Variants in TMEM150B observed in about 807,000 individuals in gnomAD.
TMEM150B encodes transmembrane protein 150B, also known as modulator of macroautophagy TMEM150B.
In TMEM150B, 33 loss-of-function variants were observed where a neutral mutation model predicts 25.2. The observed-to-expected ratio is 1.31, with a 90% CI of 0.99 to 1.75. The LOEUF is 1.75. Ranked by LOEUF, TMEM150B falls within the 40% of genes most tolerant of loss-of-function variation. TMEM150B has a pLI of 0.00. For synonymous variants in TMEM150B, 133 were observed against 134.8 expected, an observed-to-expected ratio of 0.99 and a Z score of 0.09; for missense variants, 322 against 306.1, an observed-to-expected ratio of 1.05 and a Z score of -0.39.
chr19:55,319,897 C>T, intron 6 of TMEM150B, 142 bp downstream of exon 6: 2 of 1,467,706 alleles, frequency 1.4e-6, no homozygotes, highest in Non-Finnish European at 9.0e-7. Context: ...TCCAAGGCCA[C>T]TGGCCAGAGA....
chr19:55,314,297 T>G (rs1321842608), intron 7 of TMEM150B, among the ~76,000 whole-genome samples: 4 of 152,136 alleles, frequency 2.6e-5, no homozygotes, highest in Admixed American at 2.0e-4. Flanking sequence ...GCTGGGATTA[T>G]GGGCATGAGC....
downstream of TMEM150B, chr19:55,312,784 T>C (rs988426121): frequency 1.1e-4 from 152 of 1,419,090 alleles, no homozygotes; most frequent in Middle Eastern, 2.5e-4. Context: ...CTCATCTTGC[T>C]GGGTGCGGGG....
At chr19:55,319,881 A>C in intron 6 of TMEM150B, 158 bp downstream of exon 6, 1 of 1,444,480 alleles carries the variant, frequency 6.9e-7, no homozygotes. Context: ...AAAGGAATCC[A>C]GCCGGTCCAA....
Position 55,316,882 on chromosome 19 carries a change from G to A in TMEM150B, c.409C>T (p.Leu137=), listed in dbSNP as rs1265379954. ...TGGGGCAGCCTCTTCAGCCTCCACA[G>A]GAGGAGCTGCAGCCAGAAGTAGACG... ...GNVYFWLQLL[L]WRLKRLPQPG... The change falls in exon 7 of 8, where the codon CTG becomes TTG. Residue 137 remains leucine, a synonymous_variant. Transcript: ENST00000326652. 1 of 1,604,466 alleles carries A rather than the reference G, an allele frequency of 6.2e-7. No homozygotes were observed. The highest frequency in any genetic ancestry group is 1.7e-5 in the Admixed American group (1 of 57,656).
Position 55,320,377 on chromosome 19 carries a change from T to C in TMEM150B, c.196+14A>G, listed in dbSNP as rs780234639. On this transcript the variant is annotated intron_variant, in intron 5 of 7. Coordinates refer to ENST00000326652, the MANE Select transcript of TMEM150B (RefSeq NM_001282011.2). ...GCTTGGGAGCACTGAACCAAAGGGC[T>C]GGGCAATATTTACCCAGAGCAGCTC... 1 of 1,529,362 alleles carries C rather than the reference T, an allele frequency of 6.5e-7. No homozygotes were observed. The allele number at this position is 1,529,362 out of a possible 1,614,324, so 94.7% of individuals were successfully genotyped here.
At chr19:55,319,869 G>A in intron 6 of TMEM150B, 170 bp downstream of exon 6, 6 of 1,437,070 alleles carry the variant, frequency 4.2e-6, no homozygotes, top group Non-Finnish European at 5.5e-6. Context: ...CACTCAGAGA[G>A]CAAAGGAATC....
chr19:55,314,355 C>G (rs952751735), intron 7 of TMEM150B, among the ~76,000 whole-genome samples: 8 of 152,048 alleles, frequency 5.3e-5, no homozygotes, highest in Admixed American at 6.6e-5. Context: ...CACCCCCAGG[C>G]AGAAACCCAA....
chr19:55,314,760 C>T (rs919205055), intron 7 of TMEM150B, among the ~76,000 whole-genome samples: 16 of 152,160 alleles, frequency 1.1e-4, no homozygotes, highest in African/African-American at 2.4e-4. Context: ...CACTATAGGC[C>T]GGGCTGAGGG....
At chr19:55,321,123 G>C in intron 2 of TMEM150B, 30 bp from the exon 3 acceptor site, 2 of 1,512,376 alleles carry the variant, frequency 1.3e-6, no homozygotes, top group Non-Finnish European at 8.8e-7. Flanking sequence ...GGAGGGCCCA[G>C]GTGCATGAGA....
downstream of TMEM150B, chr19:55,312,121 C>A: frequency 1.3e-6 from 1 of 766,208 alleles, no homozygotes; most frequent in Non-Finnish European, 2.0e-6. Flanking sequence ...TTCCGTGCCC[C>A]CCAACTGTGA....
chr19:55,312,113 CCGTGCCCCCCAA>C, downstream of TMEM150B: 1 of 830,464 alleles, frequency 1.2e-6, no homozygotes, highest in African/African-American at 1.8e-5. Flanking sequence ...CACCCCCCTT[CCGTGCCCCCCAA>C]CTGTGAATCT....
downstream of TMEM150B, chr19:55,312,694 G>T (rs2088837759): frequency 1.3e-6 from 1 of 776,168 alleles, no homozygotes; most frequent in South Asian, 2.0e-5. Flanking sequence ...CTGTTCAGAG[G>T]CCCTCCGCGC....
intron 6 of TMEM150B, among the ~76,000 whole-genome samples, chr19:55,318,374 A>G (rs944753897): frequency 1.3e-5 from 2 of 151,206 alleles, no homozygotes; most frequent in Non-Finnish European, 2.9e-5. Context: ...ATAAATAAAT[A>G]GTTGTGGAGC....
intron 6 of TMEM150B, among the ~76,000 whole-genome samples, chr19:55,317,587 C>T (rs1242997847): frequency 1.3e-5 from 2 of 151,958 alleles, no homozygotes; most frequent in Non-Finnish European, 2.9e-5. Context: ...CGAGACCAGC[C>T]TGGCCAACAT....
At chr19:55,324,793 C>A in intron 1 of TMEM150B, 16 of 985,456 alleles carry the variant, frequency 1.6e-5, no homozygotes, top group Non-Finnish European at 1.9e-5. Context: ...CCTCCTTTCG[C>A]TTCTTTTTCC....
chr19:55,313,098 G>A (rs370596156), intron 7 of TMEM150B, 43 bp from the exon 8 acceptor site: 57 of 1,552,668 alleles, frequency 3.7e-5, no homozygotes, highest in Middle Eastern at 2.1e-4. Context: ...TGACAGACGC[G>A]GAGCCCGGCC....
downstream of TMEM150B, chr19:55,312,782 G>T: frequency 7.1e-7 from 1 of 1,410,904 alleles, no homozygotes; most frequent in Admixed American, 2.4e-5. Flanking sequence ...GGCTCATCTT[G>T]CTGGGTGCGG....
At chr19:55,309,587 G>A (rs986288828), downstream of TMEM150B, among the ~76,000 whole-genome samples, 5 of 152,148 alleles carry the variant, frequency 3.3e-5, no homozygotes, top group African/African-American at 4.8e-5. Flanking sequence ...TGGCAGAAGG[G>A]GCAAGGGAAC....
At chr19:55,310,813 A>G (rs2088771586), downstream of TMEM150B, among the ~76,000 whole-genome samples, 1 of 152,158 alleles carries the variant, frequency 6.6e-6, no homozygotes. This position sits in a 1 kb window ranked among gnomAD's most constrained non-coding sequence, Gnocchi z 5.0. Flanking sequence ...AGCTGGCCTC[A>G]GCAACCAGGG....
Sources: allele counts gnomAD v4.1 joint callset (sites outside exome capture counted in the v4.1 genomes callset), GRCh38; gene constraint gnomAD v4.1.1; non-coding constraint Gnocchi (gnomAD v3.1); transcripts MANE v1.5; gene names NCBI Gene and HGNC (gene_info 2026-07-23, HGNC 2026-07-21).